The following CSMD1 variants were observed in gnomAD, a reference collection of about 807,000 sequenced individuals.
CSMD1 encodes CUB and Sushi multiple domains 1.
Under a neutral mutation model 417.5 loss-of-function variants are expected in CSMD1, and 213 were observed. The observed-to-expected ratio is 0.51, with a 90% CI of 0.46 to 0.57. CSMD1 has a LOEUF of 0.57. Ranked by LOEUF, CSMD1 falls within the 20% of genes least tolerant of loss-of-function variation. The probability of loss-of-function intolerance (pLI) is 0.00; values close to 1 mark genes in which losing one functional copy is unlikely to be tolerated. For missense variants in CSMD1, 6,923 were observed against 4,529.7 expected, an observed-to-expected ratio of 1.53 and a Z score of -15.17; for synonymous variants, 2,862 against 1,736.8, an observed-to-expected ratio of 1.65 and a Z score of -16.11.
intron 2 of CSMD1, among the ~76,000 whole-genome samples, chr8:4,470,026 C>G (rs1398157136): frequency 6.6e-6 from 1 of 152,006 alleles, no homozygotes; most frequent in Non-Finnish European, 1.5e-5. Context: ...CGCTAACATG[C>G]CCGGCTAATT....
chr8:4,357,540 T>A (rs1249515856), intron 3 of CSMD1, among the ~76,000 whole-genome samples: 2 of 152,236 alleles, frequency 1.3e-5, no homozygotes, highest in Middle Eastern at 3.4e-3. Flanking sequence ...AAGTTGGAAA[T>A]GCACAGTTGG....
In CSMD1 at chr8:4,267,103, G is replaced by T. The variant is rs1250539632; in HGVS notation, c.415+152850C>A. 1.5e-4 allele frequency among the ~76,000 whole-genome samples: 15 copies of T among 101,692 alleles called. 4 individuals carry two copies. Among genetic ancestry groups the T allele is most frequent in the South Asian group, 1.2e-3 (3 of 2,592 alleles). 66.7% of individuals were successfully genotyped at this position (101,692 alleles called of 152,430 possible). Reference sequence around the variant, plus strand: ...GTTTACTTCAATGTTATTTTTTTTTGAAAGTGCTTTCTAATGCAATTAGTT... The same window carrying T: ...GTTTACTTCAATGTTATTTTTTTTTTAAAGTGCTTTCTAATGCAATTAGTT... On this transcript the variant is annotated intron_variant, in intron 3 of 69. Transcript: ENST00000635120.
In CSMD1 at chr8:3,643,700, C is replaced by CAAAAAAAAAAAAAAAAAAAAA. The variant is rs66500235; in HGVS notation, c.1010-26924_1010-26904dup. 1.4e-3 allele frequency among the ~76,000 whole-genome samples: 122 copies of CAAAAAAAAAAAAAAAAAAAAA among 85,316 alleles called. 1 individual carries two copies. The East Asian group carries it at 0.015, about 11-fold the overall frequency. 56.0% of individuals were successfully genotyped at this position (85,316 alleles called of 152,430 possible). A position where few individuals can be genotyped will look rare whatever the true frequency, so the allele number is the denominator to read the frequency against. On this transcript the variant is annotated intron_variant, in intron 7 of 69. Coordinates refer to ENST00000635120, the MANE Select transcript of CSMD1 (RefSeq NM_033225.6). ...TGGGCGACAGCGTGAGACTCCGTCT[C>CAAAAAAAAAAAAAAAAAAAAA]AAAAAAAAAAAAAAAAAAAAAAGGA...
intron 52 of CSMD1, among the ~76,000 whole-genome samples, chr8:3,005,723 G>C (rs549249863): frequency 1.5e-4 from 23 of 151,438 alleles, no homozygotes; most frequent in Admixed American, 7.2e-4. Context: ...ATTCAACAAC[G>C]CTTCATGCTA....
At chr8:3,487,943 T>C (rs1818151675) in intron 11 of CSMD1, among the ~76,000 whole-genome samples, 1 of 151,976 alleles carries the variant, frequency 6.6e-6, no homozygotes, top group Non-Finnish European at 1.5e-5. Context: ...TTGCATCCCA[T>C]TAGAGATGTG....
At chr8:3,229,130 G>A (rs1276165405) in intron 27 of CSMD1, among the ~76,000 whole-genome samples, 2 of 152,018 alleles carry the variant, frequency 1.3e-5, no homozygotes, top group Non-Finnish European at 2.9e-5. Context: ...CCACCGCTGT[G>A]TACACGACAA....
chr8:3,467,489 A>G (rs1435251841), intron 12 of CSMD1, among the ~76,000 whole-genome samples: 2 of 152,246 alleles, frequency 1.3e-5, no homozygotes, highest in Non-Finnish European at 2.9e-5. Flanking sequence ...GGTATTCAGC[A>G]GTTGCCTCTG....
chr8:3,450,346 A>C (rs890248710), intron 12 of CSMD1, among the ~76,000 whole-genome samples: 3 of 151,902 alleles, frequency 2.0e-5, no homozygotes, highest in East Asian at 3.9e-4. Flanking sequence ...GTTTTAGGGT[A>C]CATGTTCACA....
chr8:3,250,429 G>A (rs1195506664), intron 26 of CSMD1, among the ~76,000 whole-genome samples: 5 of 152,190 alleles, frequency 3.3e-5, no homozygotes, highest in East Asian at 1.9e-4. Context: ...TGGTATATAT[G>A]TGCCACATTT....
chr8:3,276,522 C>G (rs1276703127), intron 26 of CSMD1, among the ~76,000 whole-genome samples: 2 of 152,192 alleles, frequency 1.3e-5, no homozygotes, highest in Non-Finnish European at 2.9e-5. Context: ...TATTCACTAT[C>G]ATGAGAACAG....
chr8:4,693,577 T>G (rs941588339), intron 1 of CSMD1, among the ~76,000 whole-genome samples: 1 of 152,244 alleles, frequency 6.6e-6, no homozygotes, highest in Non-Finnish European at 1.5e-5. Flanking sequence ...AAACAGCCCA[T>G]TAGGCAGAGT....
At chr8:4,122,036 G>A (rs956262937) in intron 3 of CSMD1, among the ~76,000 whole-genome samples, 77 of 151,846 alleles carry the variant, frequency 5.1e-4, no homozygotes, top group African/African-American at 1.7e-3. Flanking sequence ...AAACTTTATT[G>A]TATAACTACA....
chr8:4,845,913 C>G (rs148246758), intron 1 of CSMD1, among the ~76,000 whole-genome samples: 16 of 151,860 alleles, frequency 1.1e-4, no homozygotes, highest in Non-Finnish European at 1.9e-4. Flanking sequence ...GACAAGGTTA[C>G]GCTAGCCTAT....
intron 2 of CSMD1, among the ~76,000 whole-genome samples, chr8:4,619,785 G>A (rs995019229): frequency 7.2e-5 from 11 of 151,922 alleles, no homozygotes; most frequent in Non-Finnish European, 4.4e-5. Context: ...TCACAATTTT[G>A]GTATTCATAT....
chr8:3,462,556 A>G (rs979433635), intron 12 of CSMD1, among the ~76,000 whole-genome samples: 1 of 152,194 alleles, frequency 6.6e-6, no homozygotes, highest in Non-Finnish European at 1.5e-5. Context: ...ATGATCTGTC[A>G]CTGTCTCCCA....
At chr8:4,905,836 A>G (rs1400855133) in intron 1 of CSMD1, among the ~76,000 whole-genome samples, 1 of 140,144 alleles carries the variant, frequency 7.1e-6, no homozygotes, top group Non-Finnish European at 1.5e-5. Context: ...AAAAAAAAAG[A>G]AAAAAAGAAA....
At chr8:4,607,723 G>T (rs1352705719) in intron 2 of CSMD1, among the ~76,000 whole-genome samples, 1 of 152,140 alleles carries the variant, frequency 6.6e-6, no homozygotes, top group African/African-American at 2.4e-5. Flanking sequence ...CTTGGTTAAA[G>T]AAAACAGTAA....
chr8:4,778,147 T>G (rs1052970604), intron 1 of CSMD1, among the ~76,000 whole-genome samples: 1 of 152,170 alleles, frequency 6.6e-6, no homozygotes, highest in African/African-American at 2.4e-5. Flanking sequence ...AATATAAATA[T>G]ACATTACATA....
chr8:4,538,918 G>C (rs188951018), intron 2 of CSMD1, among the ~76,000 whole-genome samples: 1 of 152,200 alleles, frequency 6.6e-6, no homozygotes, highest in African/African-American at 2.4e-5. Flanking sequence ...GAATCTAAAA[G>C]CCCATATTGA....
Sources: allele counts gnomAD v4.1 joint callset (sites outside exome capture counted in the v4.1 genomes callset), GRCh38; gene constraint gnomAD v4.1.1; transcripts MANE v1.5; gene names NCBI Gene and HGNC (gene_info 2026-07-23, HGNC 2026-07-21).